Variants in SETX observed in about 807,000 individuals in gnomAD.
SETX encodes the protein senataxin.
SETX carries 90 observed loss-of-function variants against 227.2 expected under a neutral mutation model. The ratio of observed to expected loss-of-function variants is 0.40; its 90% confidence interval spans 0.33 to 0.47. The LOEUF is 0.47. SETX is among the 20% of genes least tolerant of loss of function. The pLI, the probability that SETX is intolerant of heterozygous loss-of-function variation, is 0.91. For synonymous variants in SETX, 1,210 were observed against 1,113.2 expected, an observed-to-expected ratio of 1.09 and a Z score of -1.73; for missense variants, 3,052 against 3,181.5, an observed-to-expected ratio of 0.96 and a Z score of 0.98.
chr9:132,278,317 T>A (rs1035683107), intron 20 of SETX, 60 bp from the exon 21 acceptor site: 5 of 1,546,998 alleles, frequency 3.2e-6, no homozygotes, highest in Non-Finnish European at 4.5e-6. Flanking sequence ...TTCCCACTAT[T>A]ATAAACACAA....
chr9:132,308,923 G>A (rs144353275), intron 11 of SETX, among the ~76,000 whole-genome samples: 1 of 152,226 alleles, frequency 6.6e-6, no homozygotes, highest in East Asian at 1.9e-4. Flanking sequence ...CAGATAACTT[G>A]AGGCCAGGAG....
rs112275403 is a variant in SETX at position 132,271,455 on chromosome 9, C to T, written c.7199+255G>A. On this transcript the variant is annotated intron_variant, in intron 24 of 25. Transcript: ENST00000224140. Reference sequence around the variant, plus strand: ...TAGCACATGCCTGTAGTCCCAGCTACTCGGGAGGCTGATGCAGAAGAATCG... The same window carrying T: ...TAGCACATGCCTGTAGTCCCAGCTATTCGGGAGGCTGATGCAGAAGAATCG... Among the ~76,000 whole-genome samples, 5,861 of 152,210 alleles carry T rather than the reference C, an allele frequency of 0.039. 393 individuals are homozygous for T. The highest frequency in any genetic ancestry group is 0.13 in the African/African-American group (5,586 of 41,494).
rs1221889753 is a variant in SETX at position 132,336,351 on chromosome 9, C to A, written c.663G>T (p.Leu221=). ...YTSSVLEKGK[L]ILLPSHMYDT... ...CATACATGTGTGAGGGCAGAAGAAT[C>A]AGTTTACCCTTCTCTAGGACAGAAG... The change falls in exon 6 of 26, where the codon CTG becomes CTT. Residue 221 remains leucine, a synonymous_variant. Coordinates refer to ENST00000224140, the MANE Select transcript of SETX (RefSeq NM_015046.7). 4 of 1,614,050 alleles carry A rather than the reference C, an allele frequency of 2.5e-6. No individual in the cohort carries two copies. Among genetic ancestry groups the A allele is most frequent in the East Asian group, 4.5e-5 (2 of 44,874 alleles).
chr9:132,342,272 C>A (rs919699219), intron 5 of SETX, among the ~76,000 whole-genome samples: 2 of 152,214 alleles, frequency 1.3e-5, no homozygotes, highest in African/African-American at 4.8e-5. Flanking sequence ...TTCTTCATCT[C>A]TAGCACCAGA....
At position 132,330,303 on chromosome 9, in the gene SETX, A is replaced by G; in HGVS notation, c.1295T>C (p.Val432Ala). ...KDLGVAYIAQ[V>A]VNHLYSEVKE... The stretch of plus-strand genomic sequence containing the variant: ...GACTTCAGAGTACAGATGATTAACA[A>G]CCTGTGCTATGTAAGCCACACCCAA... The change falls in exon 10 of 26, where the codon GTT becomes GCT. Residue 432 changes from valine to alanine, a missense_variant. Val to Ala is a moderately conservative substitution (Grantham distance 64, BLOSUM62 0). This residue lies in a region of SETX where 179 missense variants were observed against 197.1 expected (regional missense o/e 0.91). Transcript: ENST00000224140. 1 of 1,606,218 alleles carries G rather than the reference A, an allele frequency of 6.2e-7. No homozygotes were observed. The highest frequency in any genetic ancestry group is 8.5e-7 in the Non-Finnish European group (1 of 1,174,502).
intron 9 of SETX, 135 bp downstream of exon 9, chr9:132,330,917 G>A: frequency 4.1e-6 from 3 of 732,850 alleles, no homozygotes; most frequent in Non-Finnish European, 7.2e-6. Context: ...GCTGTTCAAT[G>A]AGAAGGGCTT....
intron 11 of SETX, among the ~76,000 whole-genome samples, chr9:132,308,070 ATAG>A (rs1258885194): frequency 1.3e-5 from 2 of 152,190 alleles, no homozygotes; most frequent in Non-Finnish European, 2.9e-5. Flanking sequence ...GAGTAACCAA[ATAG>A]TAGTAGAGAA....
At chr9:132,311,187 G>T (rs1482841202) in intron 11 of SETX, among the ~76,000 whole-genome samples, 1 of 152,054 alleles carries the variant, frequency 6.6e-6, no homozygotes, top group Admixed American at 6.5e-5. Context: ...GGACGGTCTC[G>T]ATCTCTTGAC....
At chr9:132,271,671 G>A in intron 24 of SETX, 39 bp downstream of exon 24, 1 of 1,473,678 alleles carries the variant, frequency 6.8e-7, no homozygotes, top group Non-Finnish European at 9.5e-7. Flanking sequence ...AAGCAACAAT[G>A]TATACAAGTA....
chr9:132,346,749 C>T (rs560869704), intron 3 of SETX, among the ~76,000 whole-genome samples: 10 of 149,542 alleles, frequency 6.7e-5, no homozygotes, highest in African/African-American at 1.5e-4. Context: ...GTCAGGAGTT[C>T]GAGACCAGCC....
At chr9:132,271,621 T>TAGAGAGGC in intron 24 of SETX, 89 bp downstream of exon 24, 1 of 1,059,740 alleles carries the variant, frequency 9.4e-7, no homozygotes, top group Non-Finnish European at 1.5e-6. Context: ...CAAATGGTGT[T>TAGAGAGGC]CTCTAACAGT....
At position 132,296,835 on chromosome 9, in the gene SETX, A is replaced by C. The variant is rs1844700203; in HGVS notation, c.5949+52T>G. 9.7e-6 allele frequency: 15 copies of C among 1,541,200 alleles called. No individual in the cohort carries two copies. The Admixed American group carries it at 2.5e-4, about 26-fold the overall frequency. On this transcript the variant is annotated intron_variant, in intron 14 of 25. Transcript: ENST00000224140. ...ATTTACATGTCAGTTAACTCAAGTA[A>C]AGTAAAATGATACAGCTAGTTAACA...
chr9:132,343,535 C>A (rs988987385), intron 4 of SETX, among the ~76,000 whole-genome samples: 2 of 152,150 alleles, frequency 1.3e-5, no homozygotes, highest in African/African-American at 4.8e-5. Context: ...ATTTATTGAA[C>A]AATCCATTTA....
In SETX at chr9:132,349,390, G is replaced by T. The variant is rs1848485046; in HGVS notation, c.39C>A (p.Ser13=). 1.2e-6 allele frequency: 2 copies of T among 1,614,004 alleles called. No individual in the cohort carries two copies. Among genetic ancestry groups the T allele is most frequent in the Non-Finnish European group, 1.7e-6 (2 of 1,180,036 alleles). The change falls in exon 3 of 26, where the codon TCC becomes TCA. Residue 13 remains serine (S), a synonymous_variant. Coordinates refer to ENST00000224140, the MANE Select transcript of SETX (RefSeq NM_015046.7). The part of the protein sequence containing the change: ...TCCWCTPGGA[S]TIDFLKRYAS... ...CATAGCGCTTTAGGAAGTCAATGGTGGAAGCACCACCTGGCGTACACCAAC... is the reference window on the plus strand; with the variant it reads ...CATAGCGCTTTAGGAAGTCAATGGTTGAAGCACCACCTGGCGTACACCAAC...
At chr9:132,280,698 A>G (rs1421182200) in intron 20 of SETX, among the ~76,000 whole-genome samples, 3 of 152,226 alleles carry the variant, frequency 2.0e-5, no homozygotes, top group Non-Finnish European at 4.4e-5. Context: ...GCCACTGCTC[A>G]ATTATCTGTA....
chr9:132,299,806 C>T (rs1345971601), intron 12 of SETX, among the ~76,000 whole-genome samples: 1 of 152,036 alleles, frequency 6.6e-6, no homozygotes, highest in Admixed American at 6.6e-5. Context: ...ATAATTTCTT[C>T]TACCTTTTGG....
chr9:132,263,573 G>C lies in SETX; in HGVS notation c.*666C>G, dbSNP rs886063551. ...ACTCATCACAGAAATATAATACCCT[G>C]GGCCAATGCACTCTATCTAAAAATG... is the stretch of plus-strand genomic sequence containing the variant. On this transcript the variant is annotated 3_prime_UTR_variant, in exon 26 of 26. Coordinates refer to ENST00000224140, the MANE Select transcript of SETX (RefSeq NM_015046.7). The C allele has an allele frequency of 2.0e-5, 3 of 152,294 alleles. No individual in the cohort carries two copies. Among genetic ancestry groups the C allele is most frequent in the Admixed American group, 2.0e-4 (3 of 15,274 alleles). The allele number at this position is 152,294 out of a possible 1,614,324, so 9.4% of individuals were successfully genotyped here.
In SETX at chr9:132,329,345, G is replaced by A. The variant is rs1162299791; in HGVS notation, c.2253C>T (p.Ser751=). The A allele has an allele frequency of 6.2e-7, 1 of 1,613,990 alleles. No homozygotes were observed. Among genetic ancestry groups the A allele is most frequent in the Non-Finnish European group, 8.5e-7 (1 of 1,179,956 alleles). ...TGGACACTTTTTCCAAAGCATCAGT[G>A]CTAGAATCAGTCAACAAACGTGTTG... is the stretch of plus-strand genomic sequence containing the variant. ...IVSTRLLTDS[S]TDALEKVSTS... is the part of the protein sequence containing the mutation. Residue 751 remains serine, a synonymous_variant, in exon 10 of 26, where the codon AGC becomes AGT. Transcript: ENST00000224140.
intron 2 of SETX, among the ~76,000 whole-genome samples, chr9:132,350,151 G>A (rs945333307): frequency 7.9e-5 from 12 of 152,126 alleles, no homozygotes; most frequent in Non-Finnish European, 1.2e-4. Context: ...TCCGCAGTTC[G>A]AGACCAGCCT....
Sources: allele counts gnomAD v4.1 joint callset (sites outside exome capture counted in the v4.1 genomes callset), GRCh38; gene constraint gnomAD v4.1.1; regional missense constraint gnomAD v4.1.1; transcripts MANE v1.5; gene names NCBI Gene and HGNC (gene_info 2026-07-23, HGNC 2026-07-21).